HUWE1: variants seen among roughly 807,000 people sequenced by gnomAD.
The protein encoded by HUWE1 is E3 ubiquitin-protein ligase HUWE1.
Under a neutral mutation model 299.4 loss-of-function variants are expected in HUWE1, and 18 were observed. The observed-to-expected ratio is 0.06, with a 90% CI of 0.04 to 0.09. The LOEUF is 0.09. Ranked by LOEUF, HUWE1 falls within the 10% of genes least tolerant of loss-of-function variation. The probability of loss-of-function intolerance (pLI) is 1.00; values close to 1 mark genes in which losing one functional copy is unlikely to be tolerated. For missense variants in HUWE1, 1,832 were observed against 3,462.3 expected (o/e 0.53, Z 11.82); for synonymous variants, 1,317 against 1,286.1 (o/e 1.02, Z -0.51).
chrX:53,586,271 C>A (rs782809593), intron 39 of HUWE1, among the ~76,000 whole-genome samples: 2 of 112,113 alleles, frequency 1.8e-5, no homozygotes, highest in African/African-American at 6.5e-5. Context: ...CCTTACATAA[C>A]AGAAAAGCCG....
chrX:53,611,378 A>G (rs2065459334), intron 23 of HUWE1, among the ~76,000 whole-genome samples: 1 of 111,183 alleles, frequency 9.0e-6, no homozygotes, highest in African/African-American at 3.3e-5. Flanking sequence ...CACATCAAAC[A>G]AAGAAGCTAG....
At chrX:53,633,688 A>G (rs1340065698) in intron 8 of HUWE1, among the ~76,000 whole-genome samples, 1 of 112,841 alleles carries the variant, frequency 8.9e-6, no homozygotes, top group Admixed American at 9.4e-5. Flanking sequence ...ATAATTATTG[A>G]AAATCAAATT....
intron 19 of HUWE1, among the ~76,000 whole-genome samples, chrX:53,622,846 C>T (rs782575725): frequency 4.5e-5 from 5 of 112,124 alleles, no homozygotes; most frequent in Non-Finnish European, 9.4e-5. Context: ...GATGTCTTTC[C>T]TGGGCCATCT....
In HUWE1 at chrX:53,546,546, GCTGCATCCTCTAAGC is replaced by G; in HGVS notation, c.10790_10804del (p.Gly3597_Ala3601del). On this transcript the variant is annotated inframe_deletion, in exon 70 of 84. Transcript: ENST00000262854. ...CCGGGAGAGCTGCAGTAGTACGTTG[GCTGCATCCTCTAAGC>G]CTTCCTCAGAACAAGAGTGGGATGT... is the stretch of plus-strand genomic sequence containing the variant. The G allele has an allele frequency of 8.3e-7, 1 of 1,209,323 alleles. No individual in the cohort carries two copies. The highest frequency in any genetic ancestry group is 1.1e-6 in the Non-Finnish European group (1 of 893,799).
At chrX:53,611,224 T>C (rs1240507914) in intron 23 of HUWE1, among the ~76,000 whole-genome samples, 2 of 103,766 alleles carry the variant, frequency 1.9e-5, no homozygotes, top group Non-Finnish European at 3.9e-5. Context: ...GGGTAGTGTC[T>C]AAGCCTGGAA....
intron 61 of HUWE1, 133 bp from the exon 62 acceptor site, chrX:53,553,026 C>T: frequency 1.5e-6 from 1 of 656,734 alleles, no homozygotes; most frequent in Non-Finnish European, 2.4e-6. Flanking sequence ...TGCTGTCCCC[C>T]TCTCAATCTC....
At position 53,539,095 on chromosome X, in the gene HUWE1, G is replaced by A; in HGVS notation, c.11633-15C>T. Reference sequence around the variant, plus strand: ...AGGCTGTAGCACTAGGGTTAGGAATGATGGAGAAGTAACATTTTACTCTGC... The same window carrying A: ...AGGCTGTAGCACTAGGGTTAGGAATAATGGAGAAGTAACATTTTACTCTGC... On this transcript the variant is annotated splice_polypyrimidine_tract_variant and intron_variant, in intron 75 of 83. Coordinates refer to ENST00000262854, the MANE Select transcript of HUWE1 (RefSeq NM_031407.7). 1 of 1,204,298 alleles carries A rather than the reference G, an allele frequency of 8.3e-7. No homozygotes were observed. Among genetic ancestry groups the A allele is most frequent in the Non-Finnish European group, 1.1e-6 (1 of 890,366 alleles).
In HUWE1 at chrX:53,552,649, T is replaced by C. The variant is rs1409510953; in HGVS notation, c.8739A>G (p.Pro2913=). 7.4e-6 allele frequency: 9 copies of C among 1,210,498 alleles called. No individual in the cohort carries two copies. Among genetic ancestry groups the C allele is most frequent in the Admixed American group, 6.5e-5 (3 of 45,830 alleles). Residue 2913 remains proline, a synonymous_variant, in exon 62 of 84, where the codon CCA becomes CCG. Transcript: ENST00000262854. ...CCACACATGCTTACCTGTCCTCAGGTGGCTGGGCAGATTCCCCTGACCCAT... is the reference window on the plus strand; with the variant it reads ...CCACACATGCTTACCTGTCCTCAGGCGGCTGGGCAGATTCCCCTGACCCAT... The part of the protein sequence containing the change: ...RSDGSGESAQ[P]PEDSSPPASS...
chrX:53,572,111 G>A (rs1480301585), intron 47 of HUWE1, among the ~76,000 whole-genome samples: 2 of 112,168 alleles, frequency 1.8e-5, no homozygotes, highest in African/African-American at 6.5e-5. Flanking sequence ...ATTCCACAGT[G>A]GAATTTTATA....
intron 17 of HUWE1, 58 bp from the exon 18 acceptor site, chrX:53,625,316 C>CA: frequency 1.2e-6 from 1 of 829,148 alleles, no homozygotes; most frequent in Non-Finnish European, 1.8e-6. Flanking sequence ...CCACAATGAT[C>CA]AAGCACATAA....
intron 28 of HUWE1, among the ~76,000 whole-genome samples, chrX:53,602,334 G>GTTT (rs78904716): frequency 6.4e-5 from 6 of 93,577 alleles, no homozygotes; most frequent in Admixed American, 1.2e-4. Flanking sequence ...CTTCCAAAAT[G>GTTT]TTTTTTTTTT....
chrX:53,587,620 T>G (rs902050133), intron 37 of HUWE1, among the ~76,000 whole-genome samples: 2 of 112,066 alleles, frequency 1.8e-5, no homozygotes, highest in African/African-American at 6.5e-5. Flanking sequence ...TTTAGTACTC[T>G]GAAACCTTTC....
chrX:53,604,528 G>A (rs2065057268), intron 26 of HUWE1, 61 bp downstream of exon 26: 2 of 1,144,727 alleles, frequency 1.7e-6, no homozygotes, highest in Non-Finnish European at 2.4e-6. Flanking sequence ...CCTGCTAGGT[G>A]TATGCCCTAG....
intron 3 of HUWE1, among the ~76,000 whole-genome samples, chrX:53,666,166 T>TA (rs2069244133): frequency 8.9e-6 from 1 of 111,771 alleles, no homozygotes; most frequent in African/African-American, 3.3e-5. Flanking sequence ...TTTTGAAAAC[T>TA]AAAAATGCCT....
intron 3 of HUWE1, among the ~76,000 whole-genome samples, chrX:53,677,930 C>T (rs1275870044): frequency 1.8e-5 from 2 of 111,750 alleles, no homozygotes; most frequent in Admixed American, 1.9e-4. Context: ...TCACCATTTA[C>T]TTAATGACTA....
chrX:53,671,298 T>G (rs781826561), intron 3 of HUWE1, among the ~76,000 whole-genome samples: 9 of 111,832 alleles, frequency 8.0e-5, no homozygotes, highest in Non-Finnish European at 1.1e-4. Context: ...TTAAAAATAT[T>G]AAATATGGAT....
At chrX:53,555,067 G>A (rs1210395726) in intron 60 of HUWE1, 147 bp from the exon 61 acceptor site, 13 of 418,751 alleles carry the variant, frequency 3.1e-5, no homozygotes, top group African/African-American at 5.0e-5. Context: ...AACATCTCTG[G>A]TCTGGTATAC....
chrX:53,662,801 A>G (rs943382995), intron 3 of HUWE1, among the ~76,000 whole-genome samples: 1 of 112,103 alleles, frequency 8.9e-6, no homozygotes, highest in Non-Finnish European at 1.9e-5. Flanking sequence ...CTAGCATTTA[A>G]AGGTAAGGCA....
At position 53,538,271 on chromosome X, in the gene HUWE1, C is replaced by T. The variant is rs1221505268; in HGVS notation, c.11996+66G>A. 3.9e-6 allele frequency: 3 copies of T among 764,946 alleles called. No homozygotes were observed. The Admixed American group carries it at 6.7e-5, about 17-fold the overall frequency. The allele number at this position is 764,946 out of a possible 1,213,427, so 63.0% of individuals were successfully genotyped here. Reference sequence around the variant, plus strand: ...AAATTTGTGGCCTCAAGAGTAACTTCAGAGGCGAGTTACCATTTGGGGAGT... The same window carrying T: ...AAATTTGTGGCCTCAAGAGTAACTTTAGAGGCGAGTTACCATTTGGGGAGT... On this transcript the variant is annotated intron_variant, in intron 77 of 83. Coordinates refer to ENST00000262854, the MANE Select transcript of HUWE1 (RefSeq NM_031407.7).
Sources: allele counts gnomAD v4.1 joint callset (sites outside exome capture counted in the v4.1 genomes callset), GRCh38; gene constraint gnomAD v4.1.1; transcripts MANE v1.5; gene names NCBI Gene and HGNC (gene_info 2026-07-23, HGNC 2026-07-21).